The following WASF3 variants were observed in gnomAD, a reference collection of about 807,000 sequenced individuals.
The protein encoded by WASF3 is actin-binding protein WASF3.
Under a neutral mutation model 46.6 loss-of-function variants are expected in WASF3, and 11 were observed. The ratio of observed to expected loss-of-function variants is 0.24; its 90% CI spans 0.15 to 0.39. WASF3 has a LOEUF of 0.39. Among genes scored for constraint, WASF3 ranks in the 10% least tolerant of loss-of-function variants. The probability of loss-of-function intolerance (pLI) is 1.00; values close to 1 mark genes in which losing one functional copy is unlikely to be tolerated. For missense variants in WASF3, 576 were observed against 669.8 expected, an observed-to-expected ratio of 0.86 and a Z score of 1.55; for synonymous variants, 242 against 259.7, an observed-to-expected ratio of 0.93 and a Z score of 0.65.
intron 1 of WASF3, among the ~76,000 whole-genome samples, chr13:26,603,429 A>C (rs1030080740): frequency 1.3e-5 from 2 of 152,232 alleles, no homozygotes; most frequent in Non-Finnish European, 2.9e-5. Context: ...GCAGGTGCTC[A>C]GGAGGCAATA....
intron 1 of WASF3, among the ~76,000 whole-genome samples, chr13:26,600,245 GA>G (rs1401601313): frequency 1.3e-5 from 2 of 152,146 alleles, no homozygotes; most frequent in East Asian, 3.9e-4. Context: ...TCAAATAAAA[GA>G]AGAGAAGGCT....
intron 1 of WASF3, among the ~76,000 whole-genome samples, chr13:26,581,966 T>C (rs150958994): frequency 6.6e-6 from 1 of 152,254 alleles, no homozygotes; most frequent in Non-Finnish European, 1.5e-5. Context: ...TTGTGGTTTA[T>C]AGACAGTAAA....
chr13:26,608,991 G>A (rs1880888355), intron 1 of WASF3, among the ~76,000 whole-genome samples: 1 of 152,118 alleles, frequency 6.6e-6, no homozygotes, highest in Admixed American at 6.6e-5. Context: ...AAAAATAAGT[G>A]GGGAAATAGA....
Position 26,686,538 on chromosome 13 carries a change from A to T in WASF3, c.*693A>T, listed in dbSNP as rs1205564355. 1.3e-5 allele frequency: 2 copies of T among 152,212 alleles called. No individual in the cohort carries two copies. Among genetic ancestry groups the T allele is most frequent in the Non-Finnish European group, 2.9e-5 (2 of 68,062 alleles). 9.4% of individuals were successfully genotyped at this position (152,212 alleles called of 1,614,324 possible). A position where few individuals can be genotyped will look rare whatever the true frequency, so the allele number is the denominator to read the frequency against. Reference sequence around the variant, plus strand: ...TGCCTGTTGATGGTTTTTGCAAGAGAATTCAGCAGCTCAACAGTAATGAAA... The same window carrying T: ...TGCCTGTTGATGGTTTTTGCAAGAGTATTCAGCAGCTCAACAGTAATGAAA... On this transcript the variant is annotated 3_prime_UTR_variant, in exon 10 of 10. Coordinates refer to ENST00000335327, the MANE Select transcript of WASF3 (RefSeq NM_006646.6).
Position 26,667,607 on chromosome 13 carries a change from C to T in WASF3, c.359C>T (p.Pro120Leu). Residue 120 changes from proline to leucine, a missense_variant, in exon 5 of 10, where the codon CCT (proline) becomes CTT (leucine). Physicochemically the swap from Pro to Leu is moderately conservative, Grantham distance 98. Around this residue, in one of 3 missense-constraint regions of WASF3, gnomAD observed 213 missense variants for 278.0 expected, o/e 0.77. Coordinates refer to ENST00000335327, the MANE Select transcript of WASF3 (RefSeq NM_006646.6). ...GTTTCAAAGAACAGCATTCCTAATC[C>T]TGTTGCTGATATTTACAACCAGAGT... ...QVVSKNSIPN[P>L]VADIYNQSDK... 6.2e-7 allele frequency: 1 copy of T among 1,614,088 alleles called. No individual in the cohort carries two copies. Among genetic ancestry groups the T allele is most frequent in the Non-Finnish European group, 8.5e-7 (1 of 1,179,978 alleles).
chr13:26,554,040 T>TTCCTTCC (rs1566032347), upstream of WASF3, among the ~76,000 whole-genome samples: 4 of 35,556 alleles, frequency 1.1e-4, 1 homozygote, highest in East Asian at 1.4e-3. Flanking sequence ...TTTCTCTTTC[T>TTCCTTCC]TTCCTTCCTT....
chr13:26,617,789 G>A (rs765816233), intron 2 of WASF3, among the ~76,000 whole-genome samples: 2 of 152,064 alleles, frequency 1.3e-5, no homozygotes, highest in Admixed American at 6.5e-5. Context: ...TAATCCCTAC[G>A]TGTCAAGGGA....
upstream of WASF3, among the ~76,000 whole-genome samples, chr13:26,554,422 C>T (rs1879055546): frequency 6.6e-6 from 1 of 151,988 alleles, no homozygotes; most frequent in African/African-American, 2.4e-5. Context: ...TGAGCCACTG[C>T]ACATAGCCCA....
chr13:26,658,570 T>C (rs1360231017), intron 3 of WASF3, among the ~76,000 whole-genome samples: 1 of 152,240 alleles, frequency 6.6e-6, no homozygotes. Context: ...TTAATCCTTC[T>C]AGCTCCTCAT....
In WASF3 at chr13:26,667,438, T is replaced by G. The variant is rs7329295; in HGVS notation, c.269-79T>G. On this transcript the variant is annotated intron_variant, in intron 4 of 9. Coordinates refer to ENST00000335327, the MANE Select transcript of WASF3 (RefSeq NM_006646.6). ...GGTTGTTCTAGGAGGTGTTTTTAAT[T>G]GTGAGTCAAATGGTATTTACTTCTA... 5,293 of 1,315,722 alleles carry G rather than the reference T, an allele frequency of 4.0e-3. 180 individuals are homozygous for G. In the African/African-American group the frequency reaches 0.069, roughly 17 times the overall value. 81.5% of individuals were successfully genotyped at this position (1,315,722 alleles called of 1,614,324 possible).
intron 1 of WASF3, among the ~76,000 whole-genome samples, chr13:26,576,332 T>G (rs990194101): frequency 1.3e-5 from 2 of 152,050 alleles, no homozygotes; most frequent in African/African-American, 4.8e-5. Flanking sequence ...ATTACTTTCT[T>G]TTTTTTTCCT....
At chr13:26,642,575 G>A (rs964450982) in intron 3 of WASF3, among the ~76,000 whole-genome samples, 172 bp downstream of exon 3, 3 of 152,162 alleles carry the variant, frequency 2.0e-5, no homozygotes, top group African/African-American at 7.2e-5. Context: ...GGCTTGTGAT[G>A]CTTAACTTTA....
intron 1 of WASF3, among the ~76,000 whole-genome samples, chr13:26,576,347 T>C (rs1879796773): frequency 1.3e-5 from 2 of 152,158 alleles, no homozygotes; most frequent in African/African-American, 4.8e-5. Context: ...TTTCCTTTTC[T>C]ATTTTTACTC....
chr13:26,546,740 AAAC>A, the WASF3 span, among the ~76,000 whole-genome samples: 1 of 152,224 alleles, frequency 6.6e-6, no homozygotes, highest in African/African-American at 2.4e-5. Flanking sequence ...AAGTAAAAAC[AAAC>A]AACAACAAAA....
intron 1 of WASF3, chr13:26,607,031 A>C (rs913791967): frequency 2.0e-5 from 3 of 152,222 alleles, no homozygotes; most frequent in Admixed American, 2.0e-4. Context: ...TTATAAGTTA[A>C]ATGTGCCTAA....
At chr13:26,635,220 C>T (rs1204009287) in intron 2 of WASF3, among the ~76,000 whole-genome samples, 1 of 152,120 alleles carries the variant, frequency 6.6e-6, no homozygotes, top group Non-Finnish European at 1.5e-5. Flanking sequence ...TGTCTTCTCA[C>T]TTTATTTCAT....
chr13:26,575,559 C>T (rs1304249262), intron 1 of WASF3, among the ~76,000 whole-genome samples: 2 of 152,240 alleles, frequency 1.3e-5, no homozygotes, highest in East Asian at 3.9e-4. Flanking sequence ...GCCTGTGGTC[C>T]AGATGATGAA....
At chr13:26,606,314 T>G (rs1880795008) in intron 1 of WASF3, among the ~76,000 whole-genome samples, 5 of 140,116 alleles carry the variant, frequency 3.6e-5, no homozygotes, top group African/African-American at 1.3e-4. Context: ...TCTTTTCTCT[T>G]TTTTTTCGTG....
At chr13:26,629,274 G>A (rs2137257572) in intron 2 of WASF3, among the ~76,000 whole-genome samples, 1 of 152,268 alleles carries the variant, frequency 6.6e-6, no homozygotes, top group Admixed American at 6.5e-5. Flanking sequence ...TCTTCACCCT[G>A]TGCCCACTCC....
Sources: gnomAD v4.1 joint callset for allele counts (sites outside exome capture counted in the v4.1 genomes callset) on GRCh38, gnomAD v4.1.1 for gene constraint, gnomAD v4.1.1 regional missense constraint, MANE v1.5 for transcripts, NCBI Gene and HGNC (gene_info 2026-07-23, HGNC 2026-07-21) for gene names.